Variants in RRAS2 observed in about 807,000 individuals in gnomAD.
The protein encoded by RRAS2 is RAS related 2, also known as ras-related protein R-Ras2.
Under a neutral mutation model 27.6 loss-of-function variants are expected in RRAS2, and 7 were observed. That is an observed-to-expected ratio of 0.25 (90% CI 0.14 to 0.48). The LOEUF is 0.48. Ranked by LOEUF, RRAS2 falls within the 20% of genes least tolerant of loss-of-function variation. The probability of loss-of-function intolerance (pLI) is 0.99; values close to 1 mark genes in which losing one functional copy is unlikely to be tolerated. For synonymous variants in RRAS2, 86 were observed against 90.9 expected (o/e 0.95, Z 0.31); for missense variants, 178 against 256.2 (o/e 0.69, Z 2.08).
intron 1 of RRAS2, among the ~76,000 whole-genome samples, chr11:14,336,666 T>C (rs1423908233): frequency 2.0e-5 from 3 of 152,068 alleles, no homozygotes; most frequent in Non-Finnish European, 2.9e-5. Flanking sequence ...TGCACAACAG[T>C]AGAAACTACC....
At chr11:14,350,877 T>A (rs1264667443) in intron 1 of RRAS2, among the ~76,000 whole-genome samples, 3 of 152,130 alleles carry the variant, frequency 2.0e-5, no homozygotes, top group African/African-American at 7.2e-5. Context: ...GCACTCCATA[T>A]CAGTTAATCA....
chr11:14,332,215 A>G (rs1848493914), intron 1 of RRAS2, among the ~76,000 whole-genome samples: 3 of 152,256 alleles, frequency 2.0e-5, no homozygotes, highest in Non-Finnish European at 2.9e-5. Flanking sequence ...AATGACTTGT[A>G]CATCAATGTC....
chr11:14,359,682 G>A (rs561751951), upstream of RRAS2, among the ~76,000 whole-genome samples: 4 of 152,298 alleles, frequency 2.6e-5, no homozygotes, highest in Non-Finnish European at 4.4e-5. Context: ...GCTTGCATGG[G>A]CAAGACGGAA....
upstream of RRAS2, among the ~76,000 whole-genome samples, chr11:14,360,135 G>A (rs1849170544): frequency 6.6e-6 from 1 of 151,492 alleles, no homozygotes; most frequent in Non-Finnish European, 1.5e-5. Context: ...CCATGCTAAA[G>A]AGGCTACATG....
chr11:14,356,800 G>C (rs1564986452), intron 1 of RRAS2: 1 of 406,912 alleles, frequency 2.5e-6, no homozygotes, highest in Admixed American at 3.1e-5. Context: ...GGCAATTAAT[G>C]CTTTTTTTTT....
intron 1 of RRAS2, among the ~76,000 whole-genome samples, chr11:14,324,068 T>C (rs1282642491): frequency 2.0e-5 from 3 of 151,850 alleles, no homozygotes; most frequent in African/African-American, 7.2e-5. Context: ...TATTACCATA[T>C]TTATTCAACA....
At chr11:14,316,261 A>C (rs1326317365) in intron 1 of RRAS2, among the ~76,000 whole-genome samples, 3 of 152,252 alleles carry the variant, frequency 2.0e-5, no homozygotes, top group Non-Finnish European at 4.4e-5. Context: ...TAGTCTTTTT[A>C]CTTCACTCAC....
intron 1 of RRAS2, among the ~76,000 whole-genome samples, chr11:14,350,727 A>T (rs1359720648): frequency 1.3e-5 from 2 of 152,054 alleles, no homozygotes; most frequent in African/African-American, 4.8e-5. Flanking sequence ...AAAAAATCTC[A>T]TGTTTTAAGA....
chr11:14,345,174 C>T (rs929554344), intron 1 of RRAS2, among the ~76,000 whole-genome samples: 2 of 151,690 alleles, frequency 1.3e-5, no homozygotes, highest in African/African-American at 2.4e-5. Flanking sequence ...TTAGTAGAGA[C>T]GAGGTTTCAC....
At chr11:14,280,389 A>G (rs1370202952) in intron 5 of RRAS2, among the ~76,000 whole-genome samples, 13 of 152,142 alleles carry the variant, frequency 8.5e-5, no homozygotes, top group Non-Finnish European at 1.8e-4. Flanking sequence ...CAAGGAGCTA[A>G]TAAGTAGAAG....
At chr11:14,281,223 TCTC>T (rs1241177128) in intron 5 of RRAS2, among the ~76,000 whole-genome samples, 1 of 152,140 alleles carries the variant, frequency 6.6e-6, no homozygotes, top group Non-Finnish European at 1.5e-5. Context: ...ACCCCCATTT[TCTC>T]CTCTGAAAGT....
At chr11:14,283,533 G>C (rs1554944632) in intron 4 of RRAS2, among the ~76,000 whole-genome samples, 1 of 152,212 alleles carries the variant, frequency 6.6e-6, no homozygotes, top group African/African-American at 2.4e-5. Context: ...ATCTATCTGG[G>C]CTTGAAGTTT....
intron 1 of RRAS2, among the ~76,000 whole-genome samples, chr11:14,336,636 G>T (rs947606758): frequency 6.6e-6 from 1 of 152,162 alleles, no homozygotes; most frequent in African/African-American, 2.4e-5. Context: ...GGAAGGGACA[G>T]AAGAATCAAC....
chr11:14,308,956 G>A (rs1481568855), intron 1 of RRAS2, among the ~76,000 whole-genome samples: 1 of 152,186 alleles, frequency 6.6e-6, no homozygotes, highest in African/African-American at 2.4e-5. Context: ...ATTCTTACTT[G>A]AAAGGGCTAT....
At chr11:14,319,974 A>G (rs1224698886) in intron 1 of RRAS2, among the ~76,000 whole-genome samples, 8 of 152,234 alleles carry the variant, frequency 5.3e-5, no homozygotes, top group African/African-American at 1.9e-4. Flanking sequence ...AAAATGAACT[A>G]ATCATTGTAA....
chr11:14,311,601 G>A (rs980884367), intron 1 of RRAS2, among the ~76,000 whole-genome samples: 4 of 151,616 alleles, frequency 2.6e-5, no homozygotes, highest in East Asian at 2.0e-4. Context: ...TCCTGATCTC[G>A]GGTGATCCGC....
intron 5 of RRAS2, among the ~76,000 whole-genome samples, chr11:14,279,637 T>G (rs943014042): frequency 1.3e-5 from 2 of 152,176 alleles, no homozygotes; most frequent in Admixed American, 1.3e-4. Flanking sequence ...CTTTAATGGA[T>G]GAGTCCTGAA....
At chr11:14,284,867 A>T (rs1554944836) in intron 4 of RRAS2, among the ~76,000 whole-genome samples, 1 of 152,214 alleles carries the variant, frequency 6.6e-6, no homozygotes, top group Non-Finnish European at 1.5e-5. Context: ...CTATATAAAT[A>T]TCTTACTCCA....
chr11:14,314,047 T>C (rs1245499943), intron 1 of RRAS2, among the ~76,000 whole-genome samples: 1 of 152,200 alleles, frequency 6.6e-6, no homozygotes, highest in African/African-American at 2.4e-5. Flanking sequence ...TAGAAAAAAC[T>C]ATAAAATTCA....
Sources: allele counts gnomAD v4.1 joint callset (sites outside exome capture counted in the v4.1 genomes callset), GRCh38; gene constraint gnomAD v4.1.1; transcripts MANE v1.5; gene names NCBI Gene and HGNC (gene_info 2026-07-23, HGNC 2026-07-21).